Variants in ATG4A observed in about 807,000 individuals in gnomAD.
The protein encoded by ATG4A is autophagy related 4A cysteine peptidase, also known as cysteine protease ATG4A.
In ATG4A, 22 loss-of-function variants were observed where a neutral mutation model predicts 38.4. That is an observed-to-expected ratio of 0.57 (90% CI 0.41 to 0.82). ATG4A has a LOEUF of 0.82. ATG4A is among the 40% of genes least tolerant of loss of function. ATG4A has a pLI of 0.00. For synonymous variants in ATG4A, 86 were observed against 100.7 expected, an observed-to-expected ratio of 0.85 and a Z score of 0.88; for missense variants, 220 against 290.0, an observed-to-expected ratio of 0.76 and a Z score of 1.75.
Position 108,127,935 on chromosome X carries a change from A to T in ATG4A, c.122-846A>T, listed in dbSNP as rs911458632. On this transcript the variant is annotated intron_variant, in intron 2 of 12. Coordinates refer to ENST00000372232, the MANE Select transcript of ATG4A (RefSeq NM_052936.5). Reference sequence around the variant, plus strand: ...AAGAAAGCATGCTTTGAAAAAAGACACAAAAACATTTGTGATATTATATAT... The same window carrying T: ...AAGAAAGCATGCTTTGAAAAAAGACTCAAAAACATTTGTGATATTATATAT... Among the ~76,000 whole-genome samples the T allele has an allele frequency of 1.6e-4, 18 of 112,328 alleles. 1 individual carries two copies.
intron 1 of ATG4A, among the ~76,000 whole-genome samples, chrX:108,105,068 C>T (rs752643680): frequency 9.0e-6 from 1 of 110,625 alleles, no homozygotes; most frequent in East Asian, 2.8e-4. Flanking sequence ...ATTTTGACTT[C>T]TTTTTCAGGT....
At chrX:108,153,109 C>G in intron 12 of ATG4A, 22 bp downstream of exon 12, 1 of 1,083,246 alleles carries the variant, frequency 9.2e-7, no homozygotes. Flanking sequence ...TTCAATGGCT[C>G]TCAGCTAGCA....
intron 9 of ATG4A, among the ~76,000 whole-genome samples, chrX:108,139,543 C>T (rs1345211865): frequency 8.9e-6 from 1 of 112,340 alleles, no homozygotes; most frequent in Non-Finnish European, 1.9e-5. Flanking sequence ...TGGTTGAGCC[C>T]AAGAATTACA....
chrX:108,110,243 G>A (rs1047330866), intron 1 of ATG4A, among the ~76,000 whole-genome samples: 10 of 106,791 alleles, frequency 9.4e-5, no homozygotes, highest in African/African-American at 3.1e-4. Context: ...GTTGGTGGGT[G>A]CCTGTAGTCC....
intron 9 of ATG4A, among the ~76,000 whole-genome samples, chrX:108,146,276 G>T (rs1485036138): frequency 8.9e-6 from 1 of 111,793 alleles, no homozygotes; most frequent in Non-Finnish European, 1.9e-5. Context: ...CGACCTAGAA[G>T]TTTTCTGCTT....
chrX:108,097,699 A>T (rs975508268), intron 1 of ATG4A, among the ~76,000 whole-genome samples: 2 of 112,041 alleles, frequency 1.8e-5, no homozygotes, highest in African/African-American at 6.5e-5. Flanking sequence ...GGAAGTGAAT[A>T]TATTCTATAC....
At chrX:108,129,558 T>C (rs2032892974) in intron 3 of ATG4A, among the ~76,000 whole-genome samples, 1 of 110,115 alleles carries the variant, frequency 9.1e-6, no homozygotes, top group Non-Finnish European at 1.9e-5. Context: ...ACACAGACTT[T>C]TCTTTTCTTT....
chrX:108,148,176 A>G (rs973900537), intron 9 of ATG4A, among the ~76,000 whole-genome samples: 2 of 106,188 alleles, frequency 1.9e-5, no homozygotes, highest in African/African-American at 6.9e-5. Flanking sequence ...AAAACTGAAG[A>G]ACTTGGAGTC....
At chrX:108,153,112 A>C in intron 12 of ATG4A, 25 bp downstream of exon 12, 11 of 1,056,854 alleles carry the variant, frequency 1.0e-5, no homozygotes, top group Non-Finnish European at 1.5e-5. Context: ...AATGGCTCTC[A>C]GCTAGCAGAC....
rs752673583 is a variant in ATG4A, at chrX:108,127,671, G to A, written c.122-1110G>A. ...ATGGAAGGGAGGGAAAATACAGATA[G>A]CTCAACTTTCCGATTTGCTCCAAAG... On this transcript the variant is annotated intron_variant, in intron 2 of 12. Coordinates refer to ENST00000372232, the MANE Select transcript of ATG4A (RefSeq NM_052936.5). Among the ~76,000 whole-genome samples the A allele has an allele frequency of 4.5e-5, 5 of 112,305 alleles. No homozygotes were observed. In the East Asian group the frequency reaches 1.4e-3, roughly 31 times the overall value.
intron 9 of ATG4A, among the ~76,000 whole-genome samples, chrX:108,141,060 GTATATATATACATATATATATATATATA>G (rs1200336904): frequency 1.0e-4 from 3 of 30,030 alleles, no homozygotes; most frequent in Middle Eastern, 0.03. Context: ...ATATATACGT[GTATATATATACATATATATATATATATA>G]TATATATATA....
At chrX:108,115,429 AC>A (rs2032480828) in intron 1 of ATG4A, among the ~76,000 whole-genome samples, 1 of 111,485 alleles carries the variant, frequency 9.0e-6, no homozygotes, top group South Asian at 3.8e-4. Flanking sequence ...CCCAGGTAAT[AC>A]CACCTCCCAA....
upstream of ATG4A, among the ~76,000 whole-genome samples, chrX:108,089,744 A>G (rs945077204): frequency 1.8e-5 from 2 of 111,081 alleles, no homozygotes; most frequent in African/African-American, 6.6e-5. Context: ...GAGGCAGGGG[A>G]ATCGCTTGAA....
chrX:108,114,313 C>T (rs1376076038), intron 1 of ATG4A, among the ~76,000 whole-genome samples: 2 of 111,614 alleles, frequency 1.8e-5, no homozygotes, highest in East Asian at 2.8e-4. Flanking sequence ...ATCCTCACTA[C>T]GGCCCTGTGG....
At chrX:108,096,648 TTTATTTTATTTTATTTTA>T (rs1023782108) in intron 1 of ATG4A, among the ~76,000 whole-genome samples, 2 of 110,599 alleles carry the variant, frequency 1.8e-5, no homozygotes, top group Non-Finnish European at 3.8e-5. Flanking sequence ...AACAGTATAT[TTTATTTTATTTTATTTTA>T]TTATTTTATT....
chrX:108,094,606 C>G (rs1490096437), intron 1 of ATG4A, among the ~76,000 whole-genome samples: 1 of 112,020 alleles, frequency 8.9e-6, no homozygotes, highest in Non-Finnish European at 1.9e-5. Context: ...CAATTTTATG[C>G]TTAGACTGGC....
intron 1 of ATG4A, among the ~76,000 whole-genome samples, chrX:108,092,432 A>C (rs1424750345): frequency 8.9e-6 from 1 of 112,643 alleles, no homozygotes. Flanking sequence ...TAGCAGAAGC[A>C]ATGCAAGACT....
chrX:108,151,935 TA>T (rs759340805), intron 11 of ATG4A, 77 bp downstream of exon 11: 309 of 938,747 alleles, frequency 3.3e-4, no homozygotes, highest in South Asian at 2.5e-3. Context: ...TTTTTCATAG[TA>T]AAAAAAAATC....
intron 4 of ATG4A, among the ~76,000 whole-genome samples, chrX:108,131,739 C>T (rs759405197): frequency 2.7e-5 from 3 of 111,790 alleles, no homozygotes; most frequent in Non-Finnish European, 5.6e-5. Flanking sequence ...AAGATATCTG[C>T]CTGGTGAAGG....
Sources: allele counts gnomAD v4.1 joint callset (sites outside exome capture counted in the v4.1 genomes callset), GRCh38; gene constraint gnomAD v4.1.1; transcripts MANE v1.5; gene names NCBI Gene and HGNC (gene_info 2026-07-23, HGNC 2026-07-21).